FUT9: variants seen among roughly 807,000 people sequenced by gnomAD.
The protein encoded by FUT9 is fucosyltransferase 9, also known as 4-galactosyl-N-acetylglucosaminide 3-alpha-L-fucosyltransferase 9.
In FUT9, 15 loss-of-function variants were observed where a neutral mutation model predicts 29.7. The observed-to-expected ratio is 0.51, with a 90% CI of 0.34 to 0.78. The LOEUF (loss-of-function observed/expected upper bound fraction) is 0.78. Ranked by LOEUF, FUT9 falls within the 30% of genes least tolerant of loss-of-function variation. The pLI, the probability that FUT9 is intolerant of heterozygous loss-of-function variation, is 0.01. For missense variants in FUT9, 319 were observed against 425.4 expected (o/e 0.75, Z 2.20); for synonymous variants, 169 against 153.7 (o/e 1.10, Z -0.74).
chr6:96,186,821 T>G (rs1443436915), intron 2 of FUT9, among the ~76,000 whole-genome samples: 1 of 152,112 alleles, frequency 6.6e-6, no homozygotes, highest in Non-Finnish European at 1.5e-5. Context: ...AGTTCAGCCT[T>G]TCTCTACCTT....
chr6:96,197,307 A>G (rs1395754903), intron 2 of FUT9, among the ~76,000 whole-genome samples: 1 of 152,192 alleles, frequency 6.6e-6, no homozygotes, highest in Non-Finnish European at 1.5e-5. Flanking sequence ...TTTGGTGGCA[A>G]CTTCCTCAGG....
At chr6:96,103,095 A>C (rs150219117) in intron 1 of FUT9, among the ~76,000 whole-genome samples, 4 of 152,274 alleles carry the variant, frequency 2.6e-5, no homozygotes, top group African/African-American at 9.6e-5. Context: ...GTGAATAAGG[A>C]ATGGCCAAAT....
chr6:96,104,710 T>A (rs990382929), intron 1 of FUT9, among the ~76,000 whole-genome samples: 19 of 152,084 alleles, frequency 1.2e-4, no homozygotes, highest in African/African-American at 4.6e-4. Context: ...TTTTGTGTTT[T>A]CAGTAGAGAC....
At chr6:96,067,494 A>G (rs1366001526) in intron 1 of FUT9, among the ~76,000 whole-genome samples, 1 of 152,166 alleles carries the variant, frequency 6.6e-6, no homozygotes, top group African/African-American at 2.4e-5. Context: ...AAAGCATAAA[A>G]TATTGGAAGT....
chr6:96,020,606 A>C (rs1401968340), intron 1 of FUT9, among the ~76,000 whole-genome samples: 1 of 152,072 alleles, frequency 6.6e-6, no homozygotes, highest in African/African-American at 2.4e-5. Flanking sequence ...TGCGTAAAAA[A>C]ATAAGCTCTA....
At chr6:96,176,731 C>A (rs1773211596) in intron 2 of FUT9, among the ~76,000 whole-genome samples, 1 of 152,158 alleles carries the variant, frequency 6.6e-6, no homozygotes, top group Non-Finnish European at 1.5e-5. Context: ...CTCCTTGCTT[C>A]TGGCTTGCCC....
At chr6:96,059,387 T>C (rs1770833144) in intron 1 of FUT9, among the ~76,000 whole-genome samples, 1 of 152,204 alleles carries the variant, frequency 6.6e-6, no homozygotes, top group South Asian at 2.1e-4. Flanking sequence ...TCCAACCACT[T>C]GTGTGCACAC....
intron 2 of FUT9, among the ~76,000 whole-genome samples, chr6:96,158,813 G>A (rs1435285253): frequency 6.6e-6 from 1 of 151,922 alleles, no homozygotes; most frequent in African/African-American, 2.4e-5. Flanking sequence ...AACCTCTTAG[G>A]CTTGAATCCT....
At chr6:96,094,039 A>C (rs951089257) in intron 1 of FUT9, among the ~76,000 whole-genome samples, 1 of 152,158 alleles carries the variant, frequency 6.6e-6, no homozygotes, top group Non-Finnish European at 1.5e-5. Context: ...TGTTTCTTCA[A>C]ATTTGATGCT....
intron 1 of FUT9, among the ~76,000 whole-genome samples, chr6:96,025,692 A>C (rs1043824475): frequency 6.6e-6 from 1 of 151,596 alleles, no homozygotes; most frequent in African/African-American, 2.4e-5. Context: ...TGGAATATTT[A>C]ATAGGCCTGC....
chr6:96,131,735 T>A (rs1772248537), intron 2 of FUT9, among the ~76,000 whole-genome samples: 1 of 152,152 alleles, frequency 6.6e-6, no homozygotes, highest in Non-Finnish European at 1.5e-5. Flanking sequence ...AGATTTCCTA[T>A]AACTTTGCAG....
At chr6:96,185,289 C>T (rs1243127826) in intron 2 of FUT9, among the ~76,000 whole-genome samples, 2 of 151,684 alleles carry the variant, frequency 1.3e-5, no homozygotes, top group Non-Finnish European at 2.9e-5. Context: ...ATGATATAAG[C>T]CTAAACAATG....
At chr6:96,146,629 T>C (rs540379315) in intron 2 of FUT9, among the ~76,000 whole-genome samples, 1 of 152,192 alleles carries the variant, frequency 6.6e-6, no homozygotes, top group South Asian at 2.1e-4. Context: ...AATTCTGGAG[T>C]GCCACTTTGT....
intron 2 of FUT9, among the ~76,000 whole-genome samples, chr6:96,139,581 C>G (rs543749536): frequency 1.8e-4 from 27 of 152,310 alleles, no homozygotes; most frequent in East Asian, 1.4e-3. Flanking sequence ...CTCCATGACC[C>G]TCCGCCCCTG....
intron 1 of FUT9, among the ~76,000 whole-genome samples, chr6:96,052,590 T>A (rs1770690279): frequency 6.6e-6 from 1 of 152,182 alleles, no homozygotes; most frequent in Non-Finnish European, 1.5e-5. Flanking sequence ...AAATCTCATG[T>A]GCTCCCTAAC....
intron 1 of FUT9, among the ~76,000 whole-genome samples, chr6:96,095,169 CTAA>C (rs1342001311): frequency 6.6e-6 from 1 of 152,102 alleles, no homozygotes; most frequent in African/African-American, 2.4e-5. Context: ...AGAATAAGCA[CTAA>C]TGAGCTATAA....
At chr6:96,059,351 T>G (rs1310384658) in intron 1 of FUT9, among the ~76,000 whole-genome samples, 2 of 152,190 alleles carry the variant, frequency 1.3e-5, no homozygotes, top group East Asian at 3.9e-4. Flanking sequence ...TGACTCCACG[T>G]GAGGTCAGTC....
chr6:96,208,880 C>T lies in FUT9; in HGVS notation c.*4645C>T, dbSNP rs1185590496. ...CTCCTAACTTCATTCCATTGTATTG[C>T]AATCAGTCAATTAAGGTGATTTTTT... On this transcript the variant is annotated 3_prime_UTR_variant, in exon 3 of 3. Coordinates refer to ENST00000302103, the MANE Select transcript of FUT9 (RefSeq NM_006581.4). The T allele has an allele frequency of 7.4e-6, 1 of 134,792 alleles. No homozygotes were observed. The highest frequency in any genetic ancestry group is 1.8e-5 in the Non-Finnish European group (1 of 55,836). 8.3% of individuals were successfully genotyped at this position (134,792 alleles called of 1,614,324 possible). A position where few individuals can be genotyped will look rare whatever the true frequency, so the allele number is the denominator to read the frequency against.
At position 96,035,811 on chromosome 6, in the gene FUT9, C is replaced by T. The variant is rs57284983; in HGVS notation, c.-98+19599C>T. ...TTTATTATACTAATATAATATAATA[C>T]ATATAATATATTATATGTATTATAT... On this transcript the variant is annotated intron_variant, in intron 1 of 2. Coordinates refer to ENST00000302103, the MANE Select transcript of FUT9 (RefSeq NM_006581.4). 9.0e-5 allele frequency among the ~76,000 whole-genome samples: 9 copies of T among 100,296 alleles called. No homozygotes were observed. In the South Asian group the frequency reaches 9.0e-4, roughly 10 times the overall value. The allele number at this position is 100,296 out of a possible 152,430, so 65.8% of individuals were successfully genotyped here.
Sources: gnomAD v4.1 joint callset for allele counts (sites outside exome capture counted in the v4.1 genomes callset) on GRCh38, gnomAD v4.1.1 for gene constraint, MANE v1.5 for transcripts, NCBI Gene and HGNC (gene_info 2026-07-23, HGNC 2026-07-21) for gene names.